ZNF148: variants seen among roughly 807,000 people sequenced by gnomAD.
ZNF148 encodes the protein zinc finger protein 148.
ZNF148 carries 7 observed loss-of-function variants against 67.7 expected under a neutral mutation model. The observed-to-expected ratio is 0.10, with a 90% CI of 0.06 to 0.19. The LOEUF (loss-of-function observed/expected upper bound fraction) is 0.19. ZNF148 is among the 10% of genes least tolerant of loss of function. The pLI, the probability that ZNF148 is intolerant of heterozygous loss-of-function variation, is 1.00. For synonymous variants in ZNF148, 333 were observed against 330.7 expected, an observed-to-expected ratio of 1.01 and a Z score of -0.08; for missense variants, 583 against 947.1, an observed-to-expected ratio of 0.62 and a Z score of 5.05.
chr3:125,301,967 G>A (rs1197100369), intron 4 of ZNF148, among the ~76,000 whole-genome samples: 1 of 152,114 alleles, frequency 6.6e-6, no homozygotes, highest in Admixed American at 6.5e-5. Flanking sequence ...GGGAGGCTGA[G>A]GCAGGGAGAA....
At chr3:125,286,901 G>A (rs966423198) in intron 5 of ZNF148, among the ~76,000 whole-genome samples, 7 of 152,066 alleles carry the variant, frequency 4.6e-5, no homozygotes, top group South Asian at 2.1e-4. Context: ...TGCTATTGTA[G>A]GCATATTTAT....
chr3:125,317,593 T>C (rs1457424872), intron 3 of ZNF148, among the ~76,000 whole-genome samples: 1 of 149,130 alleles, frequency 6.7e-6, no homozygotes, highest in African/African-American at 2.5e-5. Flanking sequence ...TTCTCCAAGA[T>C]ACATTAAGTG....
intron 2 of ZNF148, among the ~76,000 whole-genome samples, chr3:125,325,640 A>AT (rs1447161428): frequency 1.3e-5 from 2 of 151,886 alleles, no homozygotes; most frequent in Admixed American, 6.6e-5. Flanking sequence ...TAATTTTTGT[A>AT]TTTTTGTAGA....
At chr3:125,341,831 C>CA (rs912392649) in intron 1 of ZNF148, among the ~76,000 whole-genome samples, 2 of 151,214 alleles carry the variant, frequency 1.3e-5, no homozygotes, top group Non-Finnish European at 3.0e-5. Context: ...ACCATCTCTA[C>CA]AAAAAATATA....
intron 1 of ZNF148, chr3:125,343,998 T>C (rs1941841195): frequency 6.0e-6 from 1 of 166,268 alleles, no homozygotes; most frequent in African/African-American, 2.4e-5. Context: ...TCATTTGAAA[T>C]GTTCAAAAAA....
In ZNF148 at chr3:125,233,969, G is replaced by T. The variant is rs776111989; in HGVS notation, c.787-30C>A. The stretch of plus-strand genomic sequence containing the variant: ...TGAATTCAGAGGATGGTAGTGGGTT[G>T]TTTGTGGTTTTGGTCAACCAAGAAA... On this transcript the variant is annotated intron_variant, in intron 8 of 8. Coordinates refer to ENST00000360647, the MANE Select transcript of ZNF148 (RefSeq NM_021964.3). This position sits in a 1 kb window ranked among gnomAD's most constrained non-coding sequence, Gnocchi z 5.1. The T allele has an allele frequency of 6.5e-7, 1 of 1,541,232 alleles. No individual in the cohort carries two copies. Among genetic ancestry groups the T allele is most frequent in the East Asian group, 2.3e-5 (1 of 43,942 alleles).
At chr3:125,245,794 G>C (rs1406070819) in intron 7 of ZNF148, among the ~76,000 whole-genome samples, 2 of 152,106 alleles carry the variant, frequency 1.3e-5, no homozygotes, top group Non-Finnish European at 2.9e-5. Flanking sequence ...GTTTCTCTGG[G>C]ATCTATTATC....
chr3:125,339,710 G>C (rs1439737685), intron 1 of ZNF148, among the ~76,000 whole-genome samples: 2 of 152,056 alleles, frequency 1.3e-5, no homozygotes, highest in Admixed American at 6.5e-5. Flanking sequence ...AAATACTCGA[G>C]GAGATGGATG....
chr3:125,259,550 TTTTG>T (rs1291145789), intron 7 of ZNF148, among the ~76,000 whole-genome samples: 5 of 152,216 alleles, frequency 3.3e-5, no homozygotes, highest in African/African-American at 7.2e-5. Flanking sequence ...ACACAAATTT[TTTTG>T]TTTCTCAGTG....
At chr3:125,296,528 T>C (rs1383129634) in intron 4 of ZNF148, among the ~76,000 whole-genome samples, 1 of 152,202 alleles carries the variant, frequency 6.6e-6, no homozygotes, top group African/African-American at 2.4e-5. Flanking sequence ...TACTTCATAT[T>C]TCCTTCTTTA....
At chr3:125,287,975 C>T (rs1455707154) in intron 5 of ZNF148, 128 bp downstream of exon 5, 3 of 1,319,796 alleles carry the variant, frequency 2.3e-6, no homozygotes, top group Admixed American at 4.3e-5. Context: ...TGCAGGCACG[C>T]ACCCCCTCCT....
intron 1 of ZNF148, among the ~76,000 whole-genome samples, chr3:125,345,001 G>C (rs1941884906): frequency 6.6e-6 from 1 of 152,154 alleles, no homozygotes. Flanking sequence ...CACAAGAATG[G>C]AAAGACATGA....
intron 1 of ZNF148, among the ~76,000 whole-genome samples, chr3:125,348,046 G>C (rs748908685): frequency 2.2e-4 from 34 of 152,056 alleles, no homozygotes; most frequent in Non-Finnish European, 4.6e-4. Context: ...TTTGAGCCCA[G>C]GAGCTTGAGA....
chr3:125,292,010 T>G (rs1939043300), intron 4 of ZNF148, among the ~76,000 whole-genome samples: 1 of 152,156 alleles, frequency 6.6e-6, no homozygotes, highest in Non-Finnish European at 1.5e-5. Flanking sequence ...CAGCAATATT[T>G]GGGGGTATTC....
intron 7 of ZNF148, among the ~76,000 whole-genome samples, chr3:125,256,590 C>T (rs1180679491): frequency 2.6e-5 from 4 of 151,862 alleles, no homozygotes; most frequent in Admixed American, 6.6e-5. Flanking sequence ...GCAGAAGAAT[C>T]GCTTGAACCC....
intron 7 of ZNF148, among the ~76,000 whole-genome samples, chr3:125,269,498 T>C (rs1357852541): frequency 2.0e-5 from 3 of 151,130 alleles, no homozygotes; most frequent in African/African-American, 4.9e-5. Flanking sequence ...GGAACACTTA[T>C]ACATTATTGG....
At chr3:125,298,736 T>C (rs1223926823) in intron 4 of ZNF148, among the ~76,000 whole-genome samples, 2 of 150,488 alleles carry the variant, frequency 1.3e-5, no homozygotes, top group African/African-American at 2.4e-5. Context: ...GCCATTCTCC[T>C]GCCTCAGCCT....
At chr3:125,367,005 G>A (rs994458219) in intron 1 of ZNF148, among the ~76,000 whole-genome samples, 6 of 152,082 alleles carry the variant, frequency 3.9e-5, no homozygotes, top group East Asian at 1.9e-4. Context: ...TGTGATTATA[G>A]TACAGGTATT....
At chr3:125,290,564 G>A (rs1579718502) in intron 4 of ZNF148, among the ~76,000 whole-genome samples, 1 of 152,040 alleles carries the variant, frequency 6.6e-6, no homozygotes, top group East Asian at 1.9e-4. Context: ...CTCTTTGTTG[G>A]TATTTCTTAT....
Sources: gnomAD v4.1 joint callset for allele counts (sites outside exome capture counted in the v4.1 genomes callset) on GRCh38, gnomAD v4.1.1 for gene constraint, Gnocchi (gnomAD v3.1) non-coding constraint, MANE v1.5 for transcripts, NCBI Gene and HGNC (gene_info 2026-07-23, HGNC 2026-07-21) for gene names.